ABCA12: variants seen among roughly 807,000 people sequenced by gnomAD.
The protein encoded by ABCA12 is glucosylceramide transporter ABCA12.
A neutral mutation model predicts 293.5 loss-of-function variants in ABCA12; 156 were observed. That is an observed-to-expected ratio of 0.53 (90% CI 0.47 to 0.61). ABCA12 has a LOEUF of 0.61. Ranked by LOEUF, ABCA12 falls within the 20% of genes least tolerant of loss-of-function variation. The pLI is 0.00. For synonymous variants in ABCA12, 1,063 were observed against 1,108.0 expected, an observed-to-expected ratio of 0.96 and a Z score of 0.81; for missense variants, 2,797 against 3,090.2, an observed-to-expected ratio of 0.91 and a Z score of 2.25.
chr2:215,079,611 C>G (rs991578568), intron 2 of ABCA12, among the ~76,000 whole-genome samples: 5 of 152,178 alleles, frequency 3.3e-5, no homozygotes, highest in African/African-American at 1.2e-4. Flanking sequence ...ACTTCTTTCC[C>G]TTTCTATTGC....
At chr2:215,045,574 G>C (rs2106048386) in intron 7 of ABCA12, among the ~76,000 whole-genome samples, 1 of 152,244 alleles carries the variant, frequency 6.6e-6, no homozygotes, top group Non-Finnish European at 1.5e-5. Flanking sequence ...CTCATTCTTA[G>C]AAGCTCTGCG....
At chr2:215,066,337 G>A (rs1701639753) in intron 2 of ABCA12, among the ~76,000 whole-genome samples, 1 of 152,066 alleles carries the variant, frequency 6.6e-6, no homozygotes, top group Non-Finnish European at 1.5e-5. Flanking sequence ...AAGATGACCA[G>A]ATGACCCCTC....
intron 11 of ABCA12, among the ~76,000 whole-genome samples, chr2:215,023,965 C>T (rs918010520): frequency 6.6e-6 from 1 of 152,176 alleles, no homozygotes; most frequent in South Asian, 2.1e-4. Flanking sequence ...TCAGCCTCAC[C>T]CTGCAGCCCT....
chr2:214,969,946 A>G (rs1026850009), intron 37 of ABCA12, among the ~76,000 whole-genome samples: 10 of 152,152 alleles, frequency 6.6e-5, no homozygotes, highest in African/African-American at 2.2e-4. Flanking sequence ...ACTGAGGCCA[A>G]TTGTCATCAA....
chr2:215,109,288 T>A (rs2106125400), intron 2 of ABCA12, among the ~76,000 whole-genome samples: 1 of 152,268 alleles, frequency 6.6e-6, no homozygotes, highest in South Asian at 2.1e-4. Flanking sequence ...ATGCGGTAAA[T>A]CTCATGGACA....
Position 215,031,899 on chromosome 2 carries a change from G to A in ABCA12, c.986-3C>T, listed in dbSNP as rs754330832. On this transcript the variant is annotated splice_region_variant and splice_polypyrimidine_tract_variant and intron_variant, in intron 8 of 52. Transcript: ENST00000272895. ...ATGCGTTATATTATCGGAGTCACCT[G>A]AAGTAATAATTTTTATATAGGTAAA... The A allele has an allele frequency of 2.5e-6, 4 of 1,613,546 alleles. No individual in the cohort carries two copies. Among genetic ancestry groups the A allele is most frequent in the South Asian group, 1.1e-5 (1 of 91,072 alleles).
intron 3 of ABCA12, among the ~76,000 whole-genome samples, chr2:215,059,387 T>C (rs545874327): frequency 6.6e-6 from 1 of 152,192 alleles, no homozygotes; most frequent in South Asian, 2.1e-4. Context: ...TTTTAATTAT[T>C]CATATTTCAT....
At chr2:215,067,804 C>T (rs964029695) in intron 2 of ABCA12, among the ~76,000 whole-genome samples, 1 of 152,038 alleles carries the variant, frequency 6.6e-6, no homozygotes, top group Non-Finnish European at 1.5e-5. Flanking sequence ...ACACAGTCCA[C>T]GTTATTTCAA....
rs1025253828 is a variant in ABCA12, at chr2:215,018,023, A to G, written c.1767T>C (p.Pro589=). The G allele has an allele frequency of 6.2e-7, 1 of 1,614,030 alleles. No homozygotes were observed. The highest frequency in any genetic ancestry group is 1.3e-5 in the African/African-American group (1 of 74,932). The change falls in exon 14 of 53, where the codon CCT becomes CCC. Residue 589 remains proline (P), a synonymous_variant. Coordinates refer to ENST00000272895, the MANE Select transcript of ABCA12 (RefSeq NM_173076.3). Reference sequence around the variant, plus strand: ...GACACCCCACCTCAGCTCTATTATCAGGGATGGGAATGGCCAGCAACTTGT... The same window carrying G: ...GACACCCCACCTCAGCTCTATTATCGGGGATGGGAATGGCCAGCAACTTGT... The part of the protein sequence containing the change: ...TIDKLLAIPI[P]DNRAEIISQV...
intron 26 of ABCA12, among the ~76,000 whole-genome samples, chr2:214,988,297 C>T (rs1699831802): frequency 6.6e-6 from 1 of 152,154 alleles, no homozygotes; most frequent in South Asian, 2.1e-4. Context: ...TGTTGGCCTA[C>T]TTGTCTTATT....
At position 214,974,846 on chromosome 2, in the gene ABCA12, C is replaced by T. The variant is rs16853022; in HGVS notation, c.5400G>A (p.Thr1800=). ...CCCACATTGCTGAGACAAGTGCTTC[C>T]GTGCTCGGGTGATAATTACTGCAAT... The part of the protein sequence containing the change: ...TAFYANYHPS[T]EALVSAMWDF... Residue 1800 remains threonine, a synonymous_variant, in exon 35 of 53, where the codon ACG becomes ACA. Transcript: ENST00000272895. 53,765 of 1,613,800 alleles carry T rather than the reference C, an allele frequency of 0.033. 3,845 individuals are homozygous for T. The highest frequency in any genetic ancestry group is 0.28 in the African/African-American group (21,254 of 74,946).
At chr2:215,069,899 C>T (rs749655802) in intron 2 of ABCA12, among the ~76,000 whole-genome samples, 9 of 152,138 alleles carry the variant, frequency 5.9e-5, no homozygotes, top group Non-Finnish European at 1.2e-4. Context: ...AAGAAAAAAC[C>T]TTACATAGTT....
intron 37 of ABCA12, among the ~76,000 whole-genome samples, chr2:214,969,692 G>C (rs1574950692): frequency 6.6e-6 from 1 of 151,768 alleles, no homozygotes; most frequent in Non-Finnish European, 1.5e-5. Flanking sequence ...TCTTCTTTTT[G>C]CTTATCTGTA....
At chr2:215,054,914 G>A (rs1490025516) in intron 3 of ABCA12, among the ~76,000 whole-genome samples, 2 of 151,986 alleles carry the variant, frequency 1.3e-5, no homozygotes, top group East Asian at 1.9e-4. Flanking sequence ...TAATCTTGTA[G>A]AAAGGACATT....
At chr2:215,123,142 C>T (rs1328991325) in intron 1 of ABCA12, among the ~76,000 whole-genome samples, 3 of 152,048 alleles carry the variant, frequency 2.0e-5, no homozygotes, top group Non-Finnish European at 4.4e-5. Flanking sequence ...TGTAGTATTC[C>T]ATGGTGCTTA....
At chr2:215,061,366 A>G (rs1701524296) in intron 3 of ABCA12, among the ~76,000 whole-genome samples, 1 of 152,064 alleles carries the variant, frequency 6.6e-6, no homozygotes, top group Admixed American at 6.6e-5. Context: ...CAGTGTGATC[A>G]TGTCTTTCAG....
Position 214,953,836 on chromosome 2 carries a change from T to C in ABCA12, c.6647+18A>G, listed in dbSNP as rs1698855272. On this transcript the variant is annotated intron_variant, in intron 44 of 52. Coordinates refer to ENST00000272895, the MANE Select transcript of ABCA12 (RefSeq NM_173076.3). The stretch of plus-strand genomic sequence containing the variant: ...GTTCTGTTTTAGATGTCAAACGTTA[T>C]GTTTTCATTATATTTACCTGAGTTT... 3.1e-6 allele frequency: 5 copies of C among 1,612,158 alleles called. No homozygotes were observed. The highest frequency in any genetic ancestry group is 2.2e-5 in the South Asian group (2 of 90,884).
In ABCA12 at chr2:215,004,285, G is replaced by A. The variant is rs763157389; in HGVS notation, c.2607C>T (p.Asn869=). The change falls in exon 20 of 53, where the codon AAC becomes AAT. Residue 869 remains asparagine, a synonymous_variant. Transcript: ENST00000272895. ...AIPMLQNTLR[N]PFVQVFVKFS... is the part of the protein sequence containing the mutation. ...ACTTTACAAAAACTTGCACAAAAGG[G>A]TTCCTTAGAGTATTCTAACAAATAA... The A allele has an allele frequency of 3.1e-6, 5 of 1,611,700 alleles. No individual in the cohort carries two copies. Among genetic ancestry groups the A allele is most frequent in the Non-Finnish European group, 4.2e-6 (5 of 1,178,608 alleles).
rs775306915 is a variant in ABCA12 at position 215,018,057 on chromosome 2, C to T, written c.1733G>A (p.Arg578Lys). 3 of 1,614,158 alleles carry T rather than the reference C, an allele frequency of 1.9e-6. No individual in the cohort carries two copies. The South Asian group carries it at 3.3e-5, about 18-fold the overall frequency. ...AATGGCCAGCAACTTGTCAATAGTC[C>T]TGTTGGACATTCCTGTTGTTCTCCT... ...DLRRTTGMSN[R>K]TIDKLLAIPI... Residue 578 changes from arginine (R) to lysine (K), a missense_variant, in exon 14 of 53, where the codon AGG becomes AAG. Around this residue, in one of 3 missense-constraint regions of ABCA12, gnomAD observed 656 missense variants for 638.2 expected, o/e 1.03. Coordinates refer to ENST00000272895, the MANE Select transcript of ABCA12 (RefSeq NM_173076.3).
Sources: allele counts gnomAD v4.1 joint callset (sites outside exome capture counted in the v4.1 genomes callset), GRCh38; gene constraint gnomAD v4.1.1; regional missense constraint gnomAD v4.1.1; transcripts MANE v1.5; gene names NCBI Gene and HGNC (gene_info 2026-07-23, HGNC 2026-07-21).